Variants in TRIM66 observed in about 807,000 individuals in gnomAD.
TRIM66 encodes tripartite motif containing 66, also known as tripartite motif-containing protein 66.
TRIM66 carries 99 observed loss-of-function variants against 148.2 expected under a neutral mutation model. The ratio of observed to expected loss-of-function variants is 0.67; its 90% CI spans 0.57 to 0.79. The LOEUF is 0.79. Among genes scored for constraint, TRIM66 ranks in the 30% least tolerant of loss-of-function variants. The pLI, the probability that TRIM66 is intolerant of heterozygous loss-of-function variation, is 0.00. For missense variants in TRIM66, 1,666 were observed against 1,697.9 expected (o/e 0.98, Z 0.33); for synonymous variants, 616 against 635.9 (o/e 0.97, Z 0.47).
intron 6 of TRIM66, among the ~76,000 whole-genome samples, chr11:8,668,933 T>C (rs1474634698): frequency 6.6e-6 from 1 of 152,212 alleles, no homozygotes; most frequent in Admixed American, 6.5e-5. Flanking sequence ...GCAGATCTCC[T>C]GAGGTCCAGC....
intron 4 of TRIM66, among the ~76,000 whole-genome samples, chr11:8,672,792 C>A (rs532638233): frequency 6.6e-6 from 1 of 151,794 alleles, no homozygotes; most frequent in Admixed American, 6.6e-5. Context: ...CCACCACATG[C>A]GGCTAATTTT....
At chr11:8,675,557 T>C (rs2039138087) in intron 3 of TRIM66, among the ~76,000 whole-genome samples, 1 of 151,310 alleles carries the variant, frequency 6.6e-6, no homozygotes, top group Admixed American at 6.6e-5. Flanking sequence ...TAATTTTGTA[T>C]TTTTAGTAGA....
rs1251194988 is a variant in TRIM66 at position 8,615,169 on chromosome 11, T to A, written c.*2775A>T. 2 of 152,194 alleles carry A rather than the reference T, an allele frequency of 1.3e-5. No homozygotes were observed. Among genetic ancestry groups the A allele is most frequent in the African/African-American group, 4.8e-5 (2 of 41,438 alleles). The allele number at this position is 152,194 out of a possible 1,614,324, so 9.4% of individuals were successfully genotyped here. On this transcript the variant is annotated 3_prime_UTR_variant, in exon 25 of 25. Transcript: ENST00000646038. ...GTCTCGAACTGCTGTCCTTAGGTGA[T>A]CCACCCACCTCAGCCTCCCAAAGTG...
intron 1 of TRIM66, chr11:8,680,808 A>T (rs2039377951): frequency 6.6e-6 from 1 of 152,316 alleles, no homozygotes; most frequent in Admixed American, 6.5e-5. Context: ...GAACATCAAC[A>T]TTCAAATGGT....
intron 15 of TRIM66, among the ~76,000 whole-genome samples, chr11:8,629,469 A>G (rs2035186724): frequency 6.6e-6 from 1 of 152,232 alleles, no homozygotes; most frequent in South Asian, 2.1e-4. Flanking sequence ...GACCACCCAA[A>G]TAATAATGGT....
At chr11:8,652,006 T>C (rs2037400820) in intron 6 of TRIM66, 103 bp from the exon 7 acceptor site, 2 of 885,072 alleles carry the variant, frequency 2.3e-6, no homozygotes, top group Non-Finnish European at 3.4e-6. Context: ...TACATGGCAA[T>C]ACCCATGTGT....
At chr11:8,662,178 C>T (rs924513802) in intron 6 of TRIM66, among the ~76,000 whole-genome samples, 1 of 152,142 alleles carries the variant, frequency 6.6e-6, no homozygotes. Context: ...TTACTGCCCA[C>T]AACAGACCCC....
intron 14 of TRIM66, among the ~76,000 whole-genome samples, chr11:8,639,417 G>A (rs184584139): frequency 8.5e-5 from 13 of 152,302 alleles, no homozygotes; most frequent in African/African-American, 3.1e-4. Flanking sequence ...GATGTGAAAT[G>A]TAGCAAAGAT....
At chr11:8,651,512 A>C (rs2037353442) in intron 7 of TRIM66, among the ~76,000 whole-genome samples, 1 of 152,224 alleles carries the variant, frequency 6.6e-6, no homozygotes, top group African/African-American at 2.4e-5. Context: ...AAAAATAATT[A>C]TATAGACAGT....
Position 8,652,009 on chromosome 11 carries a change from C to A in TRIM66, c.341-106G>T, listed in dbSNP as rs530417449. The stretch of plus-strand genomic sequence containing the variant: ...ACAACACCAAGATACATGGCAATAC[C>A]CATGTGTGCCAAAATGAACTACACT... On this transcript the variant is annotated intron_variant, in intron 6 of 24. Transcript: ENST00000646038. The A allele has an allele frequency of 2.1e-5, 18 of 841,942 alleles. No homozygotes were observed. The East Asian group carries it at 4.3e-4, about 20-fold the overall frequency. The allele number at this position is 841,942 out of a possible 1,614,324, so 52.2% of individuals were successfully genotyped here.
At position 8,616,737 on chromosome 11, in the gene TRIM66, C is replaced by T. The variant is rs919619014; in HGVS notation, c.*1207G>A. The T allele has an allele frequency of 2.0e-5, 3 of 152,256 alleles. No individual in the cohort carries two copies. The highest frequency in any genetic ancestry group is 2.9e-5 in the Non-Finnish European group (2 of 68,092). The allele number at this position is 152,256 out of a possible 1,614,324, so 9.4% of individuals were successfully genotyped here. A position where few individuals can be genotyped will look rare whatever the true frequency, so the allele number is the denominator to read the frequency against. On this transcript the variant is annotated 3_prime_UTR_variant, in exon 25 of 25. Transcript: ENST00000646038. Reference sequence around the variant, plus strand: ...GCCTCTTGATTTTTCCCCCTGTCCACCTTAGACAAACTTCCCCCAGGAATG... The same window carrying T: ...GCCTCTTGATTTTTCCCCCTGTCCATCTTAGACAAACTTCCCCCAGGAATG...
chr11:8,623,022 T>G lies in TRIM66; in HGVS notation c.3020-146A>C, dbSNP rs186070916. The G allele has an allele frequency of 1.9e-5, 11 of 583,684 alleles. No individual in the cohort carries two copies. The Admixed American group carries it at 3.4e-4, about 18-fold the overall frequency. 36.2% of individuals were successfully genotyped at this position (583,684 alleles called of 1,614,324 possible). On this transcript the variant is annotated intron_variant, in intron 17 of 24. Coordinates refer to ENST00000646038, the MANE Select transcript of TRIM66 (RefSeq NM_001388022.1). ...TACCTACACTATAGTCATTCATACA[T>G]AGTGGTGACAAGTCTGCCGTGGATC...
At position 8,638,701 on chromosome 11, in the gene TRIM66, G is replaced by C. The variant is rs552361700; in HGVS notation, c.2263C>G (p.Pro755Ala). 58 of 1,549,566 alleles carry C rather than the reference G, an allele frequency of 3.7e-5. No homozygotes were observed. The East Asian group carries it at 8.1e-4, about 22-fold the overall frequency. The change falls in exon 15 of 25, where the codon CCA (proline) becomes GCA (alanine). Residue 755 changes from proline (P) to alanine (A), a missense_variant. Transcript: ENST00000646038. ...GAGTGCTGGATGGTGCTGTCCACTG[G>C]GGGGACACTGAGAGGGGTTTCTTCC... ...SGEETPLSVP[P>A]VDSTIQHSSP...
At chr11:8,678,494 T>C (rs987084279) in intron 3 of TRIM66, among the ~76,000 whole-genome samples, 3 of 152,168 alleles carry the variant, frequency 2.0e-5, no homozygotes, top group Admixed American at 2.0e-4. Context: ...GAAAAGAAAA[T>C]GGCATCACAG....
intron 6 of TRIM66, among the ~76,000 whole-genome samples, chr11:8,662,251 C>T (rs2038308951): frequency 6.6e-6 from 1 of 152,188 alleles, no homozygotes; most frequent in African/African-American, 2.4e-5. Context: ...CTCCCAGGCT[C>T]CTACAGCTGA....
intron 6 of TRIM66, chr11:8,663,152 G>C (rs780691921): frequency 1.3e-5 from 2 of 152,230 alleles, no homozygotes; most frequent in Non-Finnish European, 2.9e-5. Flanking sequence ...CCCATCATTA[G>C]CTTTTGAAGA....
chr11:8,655,713 C>T (rs111482508), intron 6 of TRIM66, among the ~76,000 whole-genome samples: 2 of 151,878 alleles, frequency 1.3e-5, no homozygotes, highest in Admixed American at 1.3e-4. Context: ...AGCTAGGAGG[C>T]GGAACTTGCA....
chr11:8,667,414 G>C (rs370949711), intron 6 of TRIM66, among the ~76,000 whole-genome samples: 3 of 152,116 alleles, frequency 2.0e-5, no homozygotes, highest in African/African-American at 7.2e-5. Context: ...GAATGAAAAA[G>C]CAACTCACAG....
chr11:8,664,101 T>C (rs7933556), intron 6 of TRIM66, among the ~76,000 whole-genome samples: 2,404 of 152,294 alleles, frequency 0.016, 70 homozygotes, highest in African/African-American at 0.055. Flanking sequence ...TATTGTATTC[T>C]TGAAAGATGC....
Sources: allele counts gnomAD v4.1 joint callset (sites outside exome capture counted in the v4.1 genomes callset), GRCh38; gene constraint gnomAD v4.1.1; transcripts MANE v1.5; gene names NCBI Gene and HGNC (gene_info 2026-07-23, HGNC 2026-07-21).